Variants in WDR49 observed in about 807,000 individuals in gnomAD.
The protein encoded by WDR49 is cilia- and flagella-associated protein 337.
A neutral mutation model predicts 119.5 loss-of-function variants in WDR49; 107 were observed. That is an observed-to-expected ratio of 0.90 (90% CI 0.77 to 1.05). The LOEUF is 1.05. Among genes scored for constraint, WDR49 ranks in the 50% least tolerant of loss-of-function variants. The pLI is 0.00. For synonymous variants in WDR49, 425 were observed against 418.8 expected (o/e 1.01, Z -0.18); for missense variants, 1,240 against 1,220.5 (o/e 1.02, Z -0.24).
At chr3:167,637,871 A>G (rs1002389087) in intron 2 of WDR49, among the ~76,000 whole-genome samples, 5 of 151,600 alleles carry the variant, frequency 3.3e-5, no homozygotes, top group African/African-American at 1.2e-4. Flanking sequence ...TTCTTTTATC[A>G]GTTCCAGGAG....
At chr3:167,588,290 T>C (rs1486054254) in intron 7 of WDR49, among the ~76,000 whole-genome samples, 2 of 152,220 alleles carry the variant, frequency 1.3e-5, no homozygotes, top group African/African-American at 4.8e-5. Flanking sequence ...ATCTTACTCT[T>C]TTTTATGACT....
chr3:167,533,094 G>T, intron 11 of WDR49, 117 bp from the exon 12 acceptor site: 1 of 584,306 alleles, frequency 1.7e-6, no homozygotes, highest in Non-Finnish European at 2.9e-6. Context: ...GGCACATAGT[G>T]GGCACTCTAT....
intron 7 of WDR49, among the ~76,000 whole-genome samples, chr3:167,588,291 T>C (rs758901672): frequency 2.0e-5 from 3 of 152,192 alleles, no homozygotes; most frequent in Non-Finnish European, 4.4e-5. Context: ...TCTTACTCTT[T>C]TTTATGACTG....
chr3:167,532,911 G>T lies in WDR49; in HGVS notation c.2021C>A (p.Pro674His), dbSNP rs1373122896. The T allele has an allele frequency of 1.9e-6, 3 of 1,609,578 alleles. No individual in the cohort carries two copies. Among genetic ancestry groups the T allele is most frequent in the South Asian group, 1.1e-5 (1 of 90,524 alleles). Residue 674 changes from proline to histidine, a missense_variant, in exon 12 of 19, where the codon CCT becomes CAT. Transcript: ENST00000682715. ...STENAHHVLH[P>H]DYQRLLKSKL... ...TGACTTTAGCAACCTCTGGTAATCA[G>T]GGTGAAGAACATGGTGAGCATTCTC... is the stretch of plus-strand genomic sequence containing the variant.
upstream of WDR49, among the ~76,000 whole-genome samples, chr3:167,656,016 C>T (rs576360249): frequency 7.2e-5 from 11 of 152,196 alleles, no homozygotes; most frequent in South Asian, 1.5e-3. Flanking sequence ...GGCAATTATC[C>T]GTCTAGCTCA....
At chr3:167,624,205 G>C (rs1443346397) in intron 3 of WDR49, among the ~76,000 whole-genome samples, 1 of 151,726 alleles carries the variant, frequency 6.6e-6, no homozygotes, top group Non-Finnish European at 1.5e-5. Flanking sequence ...TTTTAAAATG[G>C]CTAAAATTAA....
At chr3:167,639,268 T>C (rs1017346027) in intron 2 of WDR49, among the ~76,000 whole-genome samples, 1 of 151,754 alleles carries the variant, frequency 6.6e-6, no homozygotes, top group Non-Finnish European at 1.5e-5. Flanking sequence ...AGTTTATGCA[T>C]CCATAGGATC....
intron 2 of WDR49, among the ~76,000 whole-genome samples, chr3:167,631,988 G>C (rs1483390897): frequency 6.6e-6 from 1 of 152,192 alleles, no homozygotes; most frequent in East Asian, 1.9e-4. Flanking sequence ...TAAATGTTTA[G>C]ATAGCTGGAC....
chr3:167,604,429 G>C lies in WDR49; in HGVS notation c.998C>G (p.Thr333Arg), dbSNP rs181185468. Reference sequence around the variant, plus strand: ...CACCACACTATTTGTATTGCTGGTTGTACTGGAAATGATAGCGTCTAAAGA... The same window carrying C: ...CACCACACTATTTGTATTGCTGGTTCTACTGGAAATGATAGCGTCTAAAGA... ...NASLDAIISSTTSNTNSVVMA... is the reference protein window; with the variant it reads ...NASLDAIISSRTSNTNSVVMA... Residue 333 changes from threonine to arginine, a missense_variant, in exon 6 of 19, where the codon ACA (threonine) becomes AGA (arginine). Transcript: ENST00000682715. 1.2e-5 allele frequency: 20 copies of C among 1,613,064 alleles called. No individual in the cohort carries two copies. The Admixed American group carries it at 3.2e-4, about 26-fold the overall frequency.
chr3:167,627,913 T>G (rs771500554), intron 2 of WDR49, among the ~76,000 whole-genome samples: 1 of 152,110 alleles, frequency 6.6e-6, no homozygotes, highest in Non-Finnish European at 1.5e-5. Flanking sequence ...AGTGCCATTT[T>G]TTCAATAGCA....
At chr3:167,610,626 G>A (rs1716295633) in intron 5 of WDR49, among the ~76,000 whole-genome samples, 2 of 152,236 alleles carry the variant, frequency 1.3e-5, no homozygotes, top group African/African-American at 4.8e-5. Flanking sequence ...TGCCCTAAAG[G>A]CAAAGACACA....
intron 14 of WDR49, 24 bp from the exon 15 acceptor site, chr3:167,528,041 C>A: frequency 6.3e-7 from 1 of 1,586,592 alleles, no homozygotes; most frequent in Non-Finnish European, 8.6e-7. Context: ...AATACCAGAA[C>A]TCTAAAAAAT....
chr3:167,547,552 T>C (rs1018679062), intron 10 of WDR49, among the ~76,000 whole-genome samples: 3 of 151,678 alleles, frequency 2.0e-5, no homozygotes, highest in African/African-American at 7.3e-5. Flanking sequence ...TTTAACATTG[T>C]GCAAAAATCT....
intron 8 of WDR49, among the ~76,000 whole-genome samples, chr3:167,572,341 C>T (rs372791045): frequency 2.0e-5 from 3 of 152,126 alleles, no homozygotes; most frequent in East Asian, 1.9e-4. Flanking sequence ...ATAAAAGTCA[C>T]GGAAATGTTC....
intron 18 of WDR49, among the ~76,000 whole-genome samples, chr3:167,482,360 T>C (rs747492624): frequency 2.0e-5 from 3 of 152,012 alleles, no homozygotes; most frequent in Non-Finnish European, 2.9e-5. Context: ...AGAGTCCTCT[T>C]TGAGGAAATT....
chr3:167,528,016 T>C lies in WDR49; in HGVS notation c.2408A>G (p.Glu803Gly). Residue 803 changes from glutamate to glycine, a missense_variant and splice_region_variant, in exon 15 of 19, where the codon GAG (glutamate) becomes GGG (glycine). By Grantham distance (98) the Glu-to-Gly change is moderately conservative. Coordinates refer to ENST00000682715, the MANE Select transcript of WDR49 (RefSeq NM_001366157.1). The part of the protein sequence containing the change: ...DGWLKIWNIE[E>G]YCLNSSKNKI... ...GTTCTTACTGGAGTTAAGACAGTAC[T>C]CCTGAATGAAAAGAAATACCAGAAC... is the stretch of plus-strand genomic sequence containing the variant. The C allele has an allele frequency of 1.2e-6, 2 of 1,609,240 alleles. No individual in the cohort carries two copies. The highest frequency in any genetic ancestry group is 1.7e-6 in the Non-Finnish European group (2 of 1,177,118).
intron 10 of WDR49, among the ~76,000 whole-genome samples, chr3:167,547,078 C>G (rs1379554381): frequency 6.6e-6 from 1 of 151,802 alleles, no homozygotes; most frequent in African/African-American, 2.4e-5. Context: ...CTCTTTCCCT[C>G]CAATATGGCT....
At chr3:167,492,977 A>G (rs1474715916) in intron 18 of WDR49, among the ~76,000 whole-genome samples, 1 of 152,100 alleles carries the variant, frequency 6.6e-6, no homozygotes, top group Non-Finnish European at 1.5e-5. Context: ...TGTATTGCCC[A>G]AGCTTTTTGA....
chr3:167,592,153 G>T (rs528645920), intron 7 of WDR49, among the ~76,000 whole-genome samples: 2 of 151,916 alleles, frequency 1.3e-5, no homozygotes, highest in African/African-American at 4.8e-5. Context: ...AACACTATTC[G>T]TATAAACAAA....
Sources: allele counts gnomAD v4.1 joint callset (sites outside exome capture counted in the v4.1 genomes callset), GRCh38; gene constraint gnomAD v4.1.1; transcripts MANE v1.5; gene names NCBI Gene and HGNC (gene_info 2026-07-23, HGNC 2026-07-21).